Variants in MAP4K5 observed in about 807,000 individuals in gnomAD.
MAP4K5 encodes MAPK/ERK kinase kinase kinase 5.
Under a neutral mutation model 135.6 loss-of-function variants are expected in MAP4K5, and 82 were observed. The ratio of observed to expected loss-of-function variants is 0.60; its 90% CI spans 0.51 to 0.73. The LOEUF (loss-of-function observed/expected upper bound fraction) is 0.73, where lower values mean the gene tolerates loss of function less well. Among genes scored for constraint, MAP4K5 ranks in the 30% least tolerant of loss-of-function variants. MAP4K5 has a pLI of 0.00. For missense variants in MAP4K5, 907 were observed against 1,010.9 expected (o/e 0.90, Z 1.39); for synonymous variants, 347 against 335.0 (o/e 1.04, Z -0.39).
At chr14:50,555,499 G>A (rs1265289016) in intron 1 of MAP4K5, among the ~76,000 whole-genome samples, 1 of 152,162 alleles carries the variant, frequency 6.6e-6, no homozygotes, top group Non-Finnish European at 1.5e-5. Flanking sequence ...GCCCAGGCTG[G>A]TTTGAAACTC....
chr14:50,420,034 A>C lies in MAP4K5; in HGVS notation c.2526T>G (p.His842Gln). 6.2e-7 allele frequency: 1 copy of C among 1,608,392 alleles called. No homozygotes were observed. The highest frequency in any genetic ancestry group is 8.5e-7 in the Non-Finnish European group (1 of 1,176,862). ...TTTCTGTTGCTTAGTAACTATTTTC[A>C]TGTCCAGCCAAGATGTAGAGATTGC... The part of the protein sequence containing the change: ...AHSNLYILAG[H>Q]ENSY The change falls in exon 33 of 33, where the codon CAT (histidine) becomes CAG (glutamine). Residue 842 changes from histidine (H) to glutamine (Q), a missense_variant. His to Gln is a conservative substitution (Grantham distance 24). This residue lies in a region of MAP4K5 where 690 missense variants were observed against 777.4 expected (regional missense o/e 0.89). Coordinates refer to ENST00000682126, the MANE Select transcript of MAP4K5 (RefSeq NM_006575.6).
intron 1 of MAP4K5, among the ~76,000 whole-genome samples, chr14:50,553,309 A>G (rs1198381565): frequency 2.0e-5 from 3 of 151,938 alleles, no homozygotes; most frequent in African/African-American, 7.2e-5. Context: ...ATGAATAGAC[A>G]ATTCTTGAAA....
chr14:50,428,768 A>C lies in MAP4K5; in HGVS notation c.2234-14T>G, dbSNP rs774478461. The C allele has an allele frequency of 7.5e-6, 10 of 1,327,348 alleles. No individual in the cohort carries two copies. In the South Asian group the frequency reaches 9.8e-5, roughly 13 times the overall value. 82.2% of individuals were successfully genotyped at this position (1,327,348 alleles called of 1,614,324 possible). A position where few individuals can be genotyped will look rare whatever the true frequency, so the allele number is the denominator to read the frequency against. ...TTTTCACAAATTCTTAAAAAAAAAAAACAAGTCAAGACTGGACATGCAAAT... is the reference window on the plus strand; with the variant it reads ...TTTTCACAAATTCTTAAAAAAAAAACACAAGTCAAGACTGGACATGCAAAT... On this transcript the variant is annotated splice_polypyrimidine_tract_variant and intron_variant, in intron 29 of 32. Coordinates refer to ENST00000682126, the MANE Select transcript of MAP4K5 (RefSeq NM_006575.6).
intron 2 of MAP4K5, among the ~76,000 whole-genome samples, chr14:50,518,480 G>A (rs942014080): frequency 1.3e-5 from 2 of 152,022 alleles, no homozygotes; most frequent in South Asian, 2.1e-4. Context: ...ACTTATAAGC[G>A]AGAACATGCG....
In MAP4K5 at chr14:50,435,064, G is replaced by A. The variant is rs375458320; in HGVS notation, c.1884C>T (p.Val628=). The A allele has an allele frequency of 1.3e-5, 20 of 1,567,126 alleles. No individual in the cohort carries two copies. Among genetic ancestry groups the A allele is most frequent in the Admixed American group, 1.0e-4 (6 of 58,472 alleles). The change falls in exon 27 of 33, where the codon GTC becomes GTT. Residue 628 remains valine (V), a splice_region_variant and synonymous_variant. Transcript: ENST00000682126. ...DTKGCHKCCI[V]RNPYTGHKYL... Reference sequence around the variant, plus strand: ...ATTTATGTCCCGTGTAAGGGTTTCTGACTGGAAAGAAATAAACAAACAAAA... The same window carrying A: ...ATTTATGTCCCGTGTAAGGGTTTCTAACTGGAAAGAAATAAACAAACAAAA...
Position 50,468,729 on chromosome 14 carries a change from C to T in MAP4K5, c.596G>A (p.Cys199Tyr). 1 of 1,612,758 alleles carries T rather than the reference C, an allele frequency of 6.2e-7. No homozygotes were observed. The highest frequency in any genetic ancestry group is 8.5e-7 in the Non-Finnish European group (1 of 1,179,284). The change falls in exon 10 of 33, where the codon TGT (cysteine) becomes TAT (tyrosine). Residue 199 changes from cysteine to tyrosine, a missense_variant. Cys to Tyr is a radical substitution (Grantham distance 194). Coordinates refer to ENST00000682126, the MANE Select transcript of MAP4K5 (RefSeq NM_006575.6). ...VEKNGGYNQL[C>Y]DIWAVGITAI... ...TGTTATTCCTACTGCCCAGATATCACAGAGTTGGTTGTAGCCACCATTCTT... is the reference window on the plus strand; with the variant it reads ...TGTTATTCCTACTGCCCAGATATCATAGAGTTGGTTGTAGCCACCATTCTT...
chr14:50,544,884 C>CTATGATTG (rs2038609063), intron 1 of MAP4K5, among the ~76,000 whole-genome samples: 1 of 137,510 alleles, frequency 7.3e-6, no homozygotes, highest in Admixed American at 8.3e-5. Flanking sequence ...CTGCAATGAG[C>CTATGATTG]TATGATTGTA....
chr14:50,443,933 A>G lies in MAP4K5; in HGVS notation c.1437+6T>C, dbSNP rs932328016. 6.3e-7 allele frequency: 1 copy of G among 1,592,852 alleles called. No individual in the cohort carries two copies. The highest frequency in any genetic ancestry group is 1.7e-5 in the Admixed American group (1 of 57,978). ...CAACTAATTGCTAAATGCCTGTTAT[A>G]CCTACAGGGAAGTCTCGTTTGTCCT... is the stretch of plus-strand genomic sequence containing the variant. On this transcript the variant is annotated splice_donor_region_variant and intron_variant, in intron 19 of 32. Transcript: ENST00000682126.
intron 13 of MAP4K5, among the ~76,000 whole-genome samples, chr14:50,459,314 A>G (rs1207960968): frequency 6.6e-6 from 1 of 152,194 alleles, no homozygotes; most frequent in African/African-American, 2.4e-5. Context: ...TGCTCAAGTC[A>G]AAATCTGGTA....
intron 2 of MAP4K5, among the ~76,000 whole-genome samples, chr14:50,538,821 T>G (rs2038525812): frequency 6.6e-6 from 1 of 152,212 alleles, no homozygotes; most frequent in Admixed American, 6.5e-5. Flanking sequence ...ATTTATTTAT[T>G]TATTAGAGAT....
chr14:50,539,568 A>G (rs968450516), intron 2 of MAP4K5, among the ~76,000 whole-genome samples: 5 of 152,244 alleles, frequency 3.3e-5, no homozygotes. Flanking sequence ...AAGTAAGGGC[A>G]CTGGTGGAGA....
chr14:50,474,390 GAAAAA>G (rs765442446), intron 9 of MAP4K5, among the ~76,000 whole-genome samples: 4 of 130,226 alleles, frequency 3.1e-5, no homozygotes, highest in Non-Finnish European at 6.7e-5. Context: ...CCCTGTCTCA[GAAAAA>G]AAAAAAAAGA....
At chr14:50,537,735 C>G (rs116096304) in intron 2 of MAP4K5, among the ~76,000 whole-genome samples, 2,462 of 152,298 alleles carry the variant, frequency 0.016, 39 homozygotes, top group East Asian at 0.064. Flanking sequence ...TATGACTGCC[C>G]CACTTGATTT....
chr14:50,560,476 C>CG, intron 1 of MAP4K5: 1 of 820,336 alleles, frequency 1.2e-6, no homozygotes, highest in Non-Finnish European at 1.9e-6. Context: ...GAGCGGTACC[C>CG]GCGTCACCGA....
chr14:50,447,389 G>A, intron 16 of MAP4K5, 25 bp downstream of exon 16: 1 of 1,384,154 alleles, frequency 7.2e-7, no homozygotes, highest in East Asian at 2.5e-5. Context: ...ATAAAATATA[G>A]TTATTAAATT....
intron 14 of MAP4K5, 83 bp from the exon 15 acceptor site, chr14:50,448,915 G>A (rs1474281732): frequency 1.5e-6 from 1 of 685,924 alleles, no homozygotes; most frequent in Non-Finnish European, 2.6e-6. Flanking sequence ...TTGTATATGG[G>A]GTGGGGGAGG....
At chr14:50,481,611 C>T (rs907720365) in intron 6 of MAP4K5, among the ~76,000 whole-genome samples, 1 of 151,838 alleles carries the variant, frequency 6.6e-6, no homozygotes, top group Non-Finnish European at 1.5e-5. Flanking sequence ...AATTTAAATG[C>T]CTTAAATTAT....
chr14:50,526,942 T>C (rs1040699192), intron 2 of MAP4K5, among the ~76,000 whole-genome samples: 9 of 152,102 alleles, frequency 5.9e-5, no homozygotes, highest in Non-Finnish European at 1.3e-4. Flanking sequence ...ACGCAAATTA[T>C]AACATCATTT....
At chr14:50,453,719 G>T (rs528511283) in intron 14 of MAP4K5, among the ~76,000 whole-genome samples, 1 of 152,116 alleles carries the variant, frequency 6.6e-6, no homozygotes, top group Non-Finnish European at 1.5e-5. Context: ...GCGGAGACCT[G>T]ATGTTCACCC....
Sources: allele counts gnomAD v4.1 joint callset (sites outside exome capture counted in the v4.1 genomes callset), GRCh38; gene constraint gnomAD v4.1.1; regional missense constraint gnomAD v4.1.1; transcripts MANE v1.5; gene names NCBI Gene and HGNC (gene_info 2026-07-23, HGNC 2026-07-21).